TMEM62: variants seen among roughly 807,000 people sequenced by gnomAD.
TMEM62 encodes the protein transmembrane protein 62.
A neutral mutation model predicts 70.4 loss-of-function variants in TMEM62; 41 were observed. That is an observed-to-expected ratio of 0.58 (90% CI 0.45 to 0.76). The LOEUF is 0.76. Ranked by LOEUF, TMEM62 falls within the 30% of genes least tolerant of loss-of-function variation. The pLI, the probability that TMEM62 is intolerant of heterozygous loss-of-function variation, is 0.00. For synonymous variants in TMEM62, 268 were observed against 291.0 expected (o/e 0.92, Z 0.80); for missense variants, 688 against 788.5 (o/e 0.87, Z 1.53).
intron 8 of TMEM62, 132 bp from the exon 9 acceptor site, chr15:43,154,540 T>C: frequency 1.5e-6 from 1 of 662,566 alleles, no homozygotes; most frequent in Non-Finnish European, 2.3e-6. Context: ...ATATCAATAG[T>C]GGCTCCTGCT....
intron 13 of TMEM62, among the ~76,000 whole-genome samples, chr15:43,183,679 A>C (rs1176719521): frequency 6.6e-6 from 1 of 151,924 alleles, no homozygotes; most frequent in African/African-American, 2.4e-5. Context: ...CCCTGTTAGA[A>C]TGTAAGCTCT....
chr15:43,184,125 A>G lies in TMEM62; in HGVS notation c.1606-135A>G. On this transcript the variant is annotated intron_variant, in intron 13 of 13. Coordinates refer to ENST00000260403, the MANE Select transcript of TMEM62 (RefSeq NM_024956.4). ...GCCACAAGTCAGCTGTTGTGTTATA[A>G]GCAACTGTGCTTGAAGTAAATTAGC... The G allele has an allele frequency of 4.1e-6, 3 of 733,892 alleles. No homozygotes were observed. The South Asian group carries it at 5.6e-5, about 14-fold the overall frequency. 45.5% of individuals were successfully genotyped at this position (733,892 alleles called of 1,614,324 possible).
At chr15:43,164,674 T>C (rs536005220) in intron 10 of TMEM62, among the ~76,000 whole-genome samples, 2 of 152,180 alleles carry the variant, frequency 1.3e-5, no homozygotes, top group Non-Finnish European at 2.9e-5. Context: ...CATTGCTCAT[T>C]AACATCCTTT....
chr15:43,178,880 G>T lies in TMEM62; in HGVS notation c.1486+169G>T, dbSNP rs2041057330. 2.0e-5 allele frequency among the ~76,000 whole-genome samples: 3 copies of T among 152,156 alleles called. No homozygotes were observed. In the South Asian group the frequency reaches 6.2e-4, roughly 31 times the overall value. Reference sequence around the variant, plus strand: ...AAGCTCGTGCCTAACATGTTTAAAGGACATTTAGTTAACACCAAGTTAACT... The same window carrying T: ...AAGCTCGTGCCTAACATGTTTAAAGTACATTTAGTTAACACCAAGTTAACT... On this transcript the variant is annotated intron_variant, in intron 12 of 13. Transcript: ENST00000260403.
At chr15:43,160,900 G>T (rs939695935) in intron 10 of TMEM62, 106 bp downstream of exon 10, 28 of 528,960 alleles carry the variant, frequency 5.3e-5, no homozygotes, top group Non-Finnish European at 8.0e-5. Flanking sequence ...TTCAGTTACC[G>T]AAGGTCATCC....
chr15:43,170,861 C>T (rs914245992), intron 11 of TMEM62, among the ~76,000 whole-genome samples: 3 of 152,072 alleles, frequency 2.0e-5, no homozygotes, highest in South Asian at 2.1e-4. Context: ...GGGAATACAG[C>T]GCTCTTAGAA....
Position 43,169,610 on chromosome 15 carries a change from G to A in TMEM62, c.1314G>A (p.Val438=). The A allele has an allele frequency of 6.2e-7, 1 of 1,613,992 alleles. No homozygotes were observed. The highest frequency in any genetic ancestry group is 8.5e-7 in the Non-Finnish European group (1 of 1,179,968). Residue 438 remains valine (V), a synonymous_variant, in exon 11 of 14, where the codon GTG becomes GTA. Coordinates refer to ENST00000260403, the MANE Select transcript of TMEM62 (RefSeq NM_024956.4). ...DHYIMARVLF[V]LIVLSQLTIL... ...CCCTGCAGGCCCGGGTCCTTTTTGTGCTGATTGTGCTGAGCCAGCTCACCA... is the reference window on the plus strand; with the variant it reads ...CCCTGCAGGCCCGGGTCCTTTTTGTACTGATTGTGCTGAGCCAGCTCACCA...
At chr15:43,137,572 G>A (rs1186811805) in intron 3 of TMEM62, among the ~76,000 whole-genome samples, 1 of 152,248 alleles carries the variant, frequency 6.6e-6, no homozygotes, top group Non-Finnish European at 1.5e-5. Context: ...GAGAGCTTGC[G>A]GTGGGCCAGT....
At position 43,133,737 on chromosome 15, in the gene TMEM62, G is replaced by A; in HGVS notation, c.-66G>A. The A allele has an allele frequency of 8.6e-7, 1 of 1,168,782 alleles. No individual in the cohort carries two copies. Among genetic ancestry groups the A allele is most frequent in the Non-Finnish European group, 1.1e-6 (1 of 915,546 alleles). 72.4% of individuals were successfully genotyped at this position (1,168,782 alleles called of 1,614,324 possible). On this transcript the variant is annotated 5_prime_UTR_variant, in exon 1 of 14. Transcript: ENST00000260403. ...AGAGTCCGGAAGTGCAGGCAAAGCGGCTCCCGGGAGCGCCGCGCGGTCCTG... is the reference window on the plus strand; with the variant it reads ...AGAGTCCGGAAGTGCAGGCAAAGCGACTCCCGGGAGCGCCGCGCGGTCCTG...
chr15:43,142,560 TCA>T (rs1450843774), intron 4 of TMEM62, among the ~76,000 whole-genome samples: 1 of 152,112 alleles, frequency 6.6e-6, no homozygotes, highest in African/African-American at 2.4e-5. Context: ...ACCACCCTGA[TCA>T]GTCAGCAGCC....
At chr15:43,184,221 A>G in intron 13 of TMEM62, 39 bp from the exon 14 acceptor site, 1 of 1,559,000 alleles carries the variant, frequency 6.4e-7, no homozygotes, top group Non-Finnish European at 8.7e-7. Context: ...AAACTCTTCC[A>G]AGGACTTGGG....
At chr15:43,168,534 C>T (rs560329005) in intron 10 of TMEM62, among the ~76,000 whole-genome samples, 3 of 152,260 alleles carry the variant, frequency 2.0e-5, no homozygotes, top group East Asian at 3.9e-4. Context: ...GGCCTGGGCT[C>T]AGAGGCTTCA....
At chr15:43,140,915 G>A (rs1395572098) in intron 4 of TMEM62, among the ~76,000 whole-genome samples, 1 of 152,156 alleles carries the variant, frequency 6.6e-6, no homozygotes, top group East Asian at 1.9e-4. Context: ...GATGTCATTT[G>A]CCACCAGGAA....
At chr15:43,144,212 A>G (rs2176870) in intron 4 of TMEM62, among the ~76,000 whole-genome samples, 40,780 of 152,104 alleles carry the variant, frequency 0.27, 6,226 homozygotes, top group African/African-American at 0.41. Flanking sequence ...AAAGATAGGT[A>G]TGAAGAGATC....
chr15:43,140,341 C>G (rs542632455), intron 4 of TMEM62, among the ~76,000 whole-genome samples: 4 of 152,296 alleles, frequency 2.6e-5, no homozygotes, highest in Admixed American at 1.3e-4. Context: ...TCCTTCTGCC[C>G]AAAATTCTCC....
intron 4 of TMEM62, among the ~76,000 whole-genome samples, chr15:43,142,978 TATTTATAAATTAAGG>T (rs2036244446): frequency 6.6e-6 from 1 of 152,204 alleles, no homozygotes; most frequent in Non-Finnish European, 1.5e-5. Context: ...TCAGTAGAAG[TATTTATAAATTAAGG>T]TATGTGCATT....
chr15:43,148,685 T>C (rs1314027630), intron 5 of TMEM62, 70 bp from the exon 6 acceptor site: 16 of 1,550,594 alleles, frequency 1.0e-5, no homozygotes, highest in Non-Finnish European at 1.4e-5. Flanking sequence ...AGAGGAGTTT[T>C]CTAATCTGTT....
At chr15:43,148,986 C>G in intron 6 of TMEM62, 43 bp from the exon 7 acceptor site, 1 of 1,610,668 alleles carries the variant, frequency 6.2e-7, no homozygotes, top group Non-Finnish European at 8.5e-7. Flanking sequence ...TGGCCTCACG[C>G]GTTATCTTTG....
intron 4 of TMEM62, among the ~76,000 whole-genome samples, chr15:43,143,535 T>TA (rs1281735725): frequency 6.6e-6 from 1 of 152,178 alleles, no homozygotes; most frequent in Admixed American, 6.5e-5. Context: ...CTTAAAAAAT[T>TA]GTTTAAGTCA....
Sources: allele counts gnomAD v4.1 joint callset (sites outside exome capture counted in the v4.1 genomes callset), GRCh38; gene constraint gnomAD v4.1.1; transcripts MANE v1.5; gene names NCBI Gene and HGNC (gene_info 2026-07-23, HGNC 2026-07-21).